Variants in PPRC1 observed in about 807,000 individuals in gnomAD.
PPRC1 encodes the protein PPARG related coactivator 1.
A neutral mutation model predicts 132.5 loss-of-function variants in PPRC1; 23 were observed. That is an observed-to-expected ratio of 0.17 (90% CI 0.12 to 0.25). The LOEUF (loss-of-function observed/expected upper bound fraction) is 0.25. Ranked by LOEUF, PPRC1 falls within the 10% of genes least tolerant of loss-of-function variation. The probability of loss-of-function intolerance (pLI) is 1.00; values close to 1 mark genes in which losing one functional copy is unlikely to be tolerated. For missense variants in PPRC1, 2,006 were observed against 2,089.1 expected, an observed-to-expected ratio of 0.96 and a Z score of 0.78; for synonymous variants, 872 against 833.5, an observed-to-expected ratio of 1.05 and a Z score of -0.80.
At chr10:102,132,987 G>C (rs1222024728), upstream of PPRC1, 1 of 1,232,642 alleles carries the variant, frequency 8.1e-7, no homozygotes, top group African/African-American at 1.6e-5. Context: ...AGTGTCATTC[G>C]GGAGTTGTAG....
chr10:102,138,439 C>A (rs1367100788), intron 2 of PPRC1, among the ~76,000 whole-genome samples, 180 bp from the exon 3 acceptor site: 1 of 152,120 alleles, frequency 6.6e-6, no homozygotes, highest in Non-Finnish European at 1.5e-5. Context: ...TCTGTTGACA[C>A]CAAGAGCTGG....
intron 7 of PPRC1, chr10:102,144,666 T>C: frequency 4.3e-6 from 2 of 460,272 alleles, no homozygotes; most frequent in South Asian, 2.8e-5. Context: ...AAGATGTTAA[T>C]GGCTAGGAGT....
In PPRC1 at chr10:102,147,521, C is replaced by T. The variant is rs2069316997; in HGVS notation, c.4400+129C>T. On this transcript the variant is annotated intron_variant, in intron 9 of 13. Transcript: ENST00000278070. ...CTAAGGCTTCTATTTCTGACTTTGG[C>T]TTTTGTGTTTTCCCTTTTCCTGGAT... 8.5e-6 allele frequency: 11 copies of T among 1,291,170 alleles called. No homozygotes were observed. In the Admixed American group the frequency reaches 1.8e-4, roughly 21 times the overall value. The allele number at this position is 1,291,170 out of a possible 1,614,324, so 80.0% of individuals were successfully genotyped here. A position where few individuals can be genotyped will look rare whatever the true frequency, so the allele number is the denominator to read the frequency against.
chr10:102,139,282 G>T lies in PPRC1; in HGVS notation c.774G>T (p.Gln258His). 1.2e-6 allele frequency: 2 copies of T among 1,614,220 alleles called. No individual in the cohort carries two copies. Among genetic ancestry groups the T allele is most frequent in the Non-Finnish European group, 8.5e-7 (1 of 1,180,036 alleles). The change falls in exon 5 of 14, where the codon CAG becomes CAT. Residue 258 changes from glutamine (Q) to histidine (H), a missense_variant. Physicochemically the swap from Gln to His is conservative, Grantham distance 24. This residue lies in a region of PPRC1 where 1,914 missense variants were observed against 1,917.2 expected (regional missense o/e 1.00). Coordinates refer to ENST00000278070, the MANE Select transcript of PPRC1 (RefSeq NM_015062.5). ...AGGAGGTGGCCAGCTTCAGTGGCCA[G>T]ATTCTTGCCGGGGAGCTTGACAACT... ...EEEEVASFSG[Q>H]ILAGELDNCV...
At chr10:102,133,036 G>A (rs941944344), upstream of PPRC1, 2 of 1,239,146 alleles carry the variant, frequency 1.6e-6, no homozygotes, top group South Asian at 4.1e-5. Context: ...CGGCGCCAGC[G>A]ATCAGAGCAG....
At chr10:102,149,754 A>G (rs1286054912) in intron 13 of PPRC1, among the ~76,000 whole-genome samples, 172 bp from the exon 14 acceptor site, 1 of 149,642 alleles carries the variant, frequency 6.7e-6, no homozygotes, top group Admixed American at 6.7e-5. Flanking sequence ...AAAAGACCCA[A>G]GGGGTGGGAC....
intron 7 of PPRC1, 81 bp from the exon 8 acceptor site, chr10:102,144,939 C>A: frequency 2.4e-5 from 26 of 1,086,526 alleles, no homozygotes; most frequent in Non-Finnish European, 3.0e-5. Context: ...CCCACCCCCT[C>A]CCATTGATTT....
Position 102,140,871 on chromosome 10 carries a change from G to A in PPRC1, c.2363G>A (p.Gly788Glu). Reference protein sequence around the residue: ...KWPSLPETPTGLADIPCLVIP... With the variant: ...KWPSLPETPTELADIPCLVIP... Reference sequence around the variant, plus strand: ...CCTAGCCTTCCAGAGACTCCCACAGGGCTGGCAGACATCCCTTGTCTTGTC... The same window carrying A: ...CCTAGCCTTCCAGAGACTCCCACAGAGCTGGCAGACATCCCTTGTCTTGTC... Residue 788 changes from glycine to glutamate, a missense_variant, in exon 5 of 14, where the codon GGG becomes GAG. Around this residue, in one of 2 missense-constraint regions of PPRC1, gnomAD observed 1,914 missense variants for 1,917.2 expected, o/e 1.00. Transcript: ENST00000278070. 1 of 1,614,030 alleles carries A rather than the reference G, an allele frequency of 6.2e-7. No homozygotes were observed.
Position 102,146,957 on chromosome 10 carries a change from A to C in PPRC1, c.3965A>C (p.Asn1322Thr), listed in dbSNP as rs775606356. Residue 1322 changes from asparagine (N) to threonine (T), a missense_variant, in exon 9 of 14, where the codon AAT (asparagine) becomes ACT (threonine). Asn to Thr is a moderately conservative substitution (Grantham distance 65, BLOSUM62 0). This residue lies in a region of PPRC1 where 1,914 missense variants were observed against 1,917.2 expected (regional missense o/e 1.00). Coordinates refer to ENST00000278070, the MANE Select transcript of PPRC1 (RefSeq NM_015062.5). Reference sequence around the variant, plus strand: ...ATTCCAGAGGTGGGCTCCCGATGGAATGTCAAGCGCCATCAGGACATCACC... The same window carrying C: ...ATTCCAGAGGTGGGCTCCCGATGGACTGTCAAGCGCCATCAGGACATCACC... ...LVIPEVGSRW[N>T]VKRHQDITIK... The C allele has an allele frequency of 6.2e-7, 1 of 1,614,120 alleles. No individual in the cohort carries two copies. The highest frequency in any genetic ancestry group is 8.5e-7 in the Non-Finnish European group (1 of 1,180,004).
chr10:102,138,143 C>T (rs1340505202), intron 2 of PPRC1, 105 bp downstream of exon 2: 9 of 1,198,540 alleles, frequency 7.5e-6, no homozygotes, highest in South Asian at 6.5e-5. Context: ...TTAGCTTCTT[C>T]CTGGGTGCCC....
intron 1 of PPRC1, among the ~76,000 whole-genome samples, 173 bp downstream of exon 1, chr10:102,133,394 G>A (rs939222495): frequency 2.6e-5 from 4 of 152,166 alleles, no homozygotes; most frequent in African/African-American, 9.7e-5. Context: ...GGCGGGCAGA[G>A]GCAGCGTCTC....
At chr10:102,142,750 G>T (rs1412523580) in intron 5 of PPRC1, among the ~76,000 whole-genome samples, 1 of 152,106 alleles carries the variant, frequency 6.6e-6, no homozygotes, top group Non-Finnish European at 1.5e-5. Flanking sequence ...TCACTGTGTT[G>T]CCCAGGCTGG....
At position 102,139,651 on chromosome 10, in the gene PPRC1, AG is replaced by A. The variant is rs1564937151; in HGVS notation, c.1144del (p.Glu382ArgfsTer24). 6.2e-7 allele frequency: 1 copy of A among 1,614,038 alleles called. No individual in the cohort carries two copies. The highest frequency in any genetic ancestry group is 1.7e-5 in the Admixed American group (1 of 60,026). On this transcript the variant is annotated frameshift_variant, in exon 5 of 14. Coordinates refer to ENST00000278070, the MANE Select transcript of PPRC1 (RefSeq NM_015062.5). LOFTEE classifies it high-confidence loss of function. ...GGCCTGTGCTCCTGGATGACTCGCTAGAGACTAGTTCTGCCTTGCAGCTGCT... is the reference window on the plus strand; with the variant it reads ...GGCCTGTGCTCCTGGATGACTCGCTAAGACTAGTTCTGCCTTGCAGCTGCT... ...PRPVLLDDSL[E>X]TSSALQLLMP... is the part of the protein sequence containing the mutation.
chr10:102,131,413 C>G (rs1466005519), upstream of PPRC1, among the ~76,000 whole-genome samples: 1 of 151,580 alleles, frequency 6.6e-6, no homozygotes, highest in Non-Finnish European at 1.5e-5. Context: ...GAAAGAACAT[C>G]TAAGAAAAGG....
rs1219464230 is a variant in PPRC1, at chr10:102,143,104, G to C, written c.3550+6G>C. On this transcript the variant is annotated splice_donor_region_variant and intron_variant, in intron 6 of 13. Coordinates refer to ENST00000278070, the MANE Select transcript of PPRC1 (RefSeq NM_015062.5). ...GCAGTTTGAGAAATCAGAAGGTGAG[G>C]GAACATGGGTAGTTTTGCTCCAACT... 6.2e-7 allele frequency: 1 copy of C among 1,611,356 alleles called. No homozygotes were observed. The highest frequency in any genetic ancestry group is 1.3e-5 in the African/African-American group (1 of 74,840).
At chr10:102,132,106 C>T (rs2068553684), upstream of PPRC1, among the ~76,000 whole-genome samples, 1 of 152,184 alleles carries the variant, frequency 6.6e-6, no homozygotes, top group African/African-American at 2.4e-5. Flanking sequence ...ATATATTTTT[C>T]CATTCATAGA....
At position 102,141,321 on chromosome 10, in the gene PPRC1, C is replaced by A. The variant is rs764388332; in HGVS notation, c.2813C>A (p.Pro938His). ...HVSPSGYPCL[P>H]PPPTVPLVSG... is the part of the protein sequence containing the mutation. Reference sequence around the variant, plus strand: ...TCCCCTTCTGGCTATCCTTGCCTGCCCCCCCCACCAACGGTGCCCCTAGTG... The same window carrying A: ...TCCCCTTCTGGCTATCCTTGCCTGCACCCCCCACCAACGGTGCCCCTAGTG... The change falls in exon 5 of 14, where the codon CCC becomes CAC. Residue 938 changes from proline to histidine, a missense_variant. Around this residue, in one of 2 missense-constraint regions of PPRC1, gnomAD observed 1,914 missense variants for 1,917.2 expected, o/e 1.00. Coordinates refer to ENST00000278070, the MANE Select transcript of PPRC1 (RefSeq NM_015062.5). 1 of 1,613,832 alleles carries A rather than the reference C, an allele frequency of 6.2e-7. No individual in the cohort carries two copies. The highest frequency in any genetic ancestry group is 1.7e-5 in the Admixed American group (1 of 59,996).
intron 1 of PPRC1, among the ~76,000 whole-genome samples, chr10:102,136,767 A>G (rs1182306746): frequency 2.6e-5 from 4 of 152,144 alleles, no homozygotes; most frequent in African/African-American, 9.7e-5. Context: ...AGGGGGGACT[A>G]CTGTAGTGGA....
upstream of PPRC1, among the ~76,000 whole-genome samples, chr10:102,128,808 G>T (rs892443499): frequency 6.6e-6 from 1 of 150,438 alleles, no homozygotes; most frequent in African/African-American, 2.4e-5. Context: ...TAGAGACGGG[G>T]TTTCACCATG....
Sources: gnomAD v4.1 joint callset for allele counts (sites outside exome capture counted in the v4.1 genomes callset) on GRCh38, gnomAD v4.1.1 for gene constraint, gnomAD v4.1.1 regional missense constraint, MANE v1.5 for transcripts, NCBI Gene and HGNC (gene_info 2026-07-23, HGNC 2026-07-21) for gene names.